IFI44L: variants seen among roughly 807,000 people sequenced by gnomAD.
IFI44L encodes the protein interferon induced protein 44 like.
A neutral mutation model predicts 39.3 loss-of-function variants in IFI44L; 40 were observed. The ratio of observed to expected loss-of-function variants is 1.02; its 90% CI spans 0.79 to 1.33. The LOEUF is 1.33. Ranked by LOEUF, IFI44L falls within the 40% of genes most tolerant of loss-of-function variation. The pLI is 0.00. For synonymous variants in IFI44L, 198 were observed against 182.3 expected, an observed-to-expected ratio of 1.09 and a Z score of -0.69; for missense variants, 623 against 549.0, an observed-to-expected ratio of 1.13 and a Z score of -1.35.
intron 1 of IFI44L, among the ~76,000 whole-genome samples, chr1:78,622,532 AT>A (rs374131840): frequency 3.1e-3 from 455 of 148,712 alleles, no homozygotes; most frequent in Non-Finnish European, 3.3e-3. Context: ...TCCCTGTCCT[AT>A]TTTTTTTTTA....
rs369367481 is a variant in IFI44L at position 78,639,092 on chromosome 1, C to T, written c.1048+1889C>T. On this transcript the variant is annotated intron_variant, in intron 6 of 8. Transcript: ENST00000370751. ...ACAGGGGCTAGAAGCCTCCTTGCAT[C>T]GAAGGTTAATGAAGGCTAAAGTTCC... 1.6e-4 allele frequency among the ~76,000 whole-genome samples: 25 copies of T among 152,140 alleles called. 1 individual carries two copies. The highest frequency in any genetic ancestry group is 5.8e-4 in the African/African-American group (24 of 41,508).
At position 78,643,617 on chromosome 1, in the gene IFI44L, T is replaced by A. The variant is rs1029791919; in HGVS notation, c.*1808T>A. 6.8e-6 allele frequency: 1 copy of A among 147,572 alleles called. No homozygotes were observed. The highest frequency in any genetic ancestry group is 1.5e-5 in the Non-Finnish European group (1 of 67,266). 9.1% of individuals were successfully genotyped at this position (147,572 alleles called of 1,614,324 possible). A position where few individuals can be genotyped will look rare whatever the true frequency, so the allele number is the denominator to read the frequency against. ...AACATACAGAGATGAAAACTGGAAG[T>A]TTTTTTTTGTTTGTTTTGTTTTTTT... On this transcript the variant is annotated 3_prime_UTR_variant, in exon 9 of 9. Coordinates refer to ENST00000370751, the MANE Select transcript of IFI44L (RefSeq NM_006820.4).
In IFI44L at chr1:78,644,438, C is replaced by A. The variant is rs1647025042; in HGVS notation, c.*2629C>A. ...CAAAATGATACCACAACTTCTTATT[C>A]TCTGGCTCTATATTGCTTTGGAAAC... is the stretch of plus-strand genomic sequence containing the variant. On this transcript the variant is annotated 3_prime_UTR_variant, in exon 9 of 9. Transcript: ENST00000370751. 1 of 152,134 alleles carries A rather than the reference C, an allele frequency of 6.6e-6. No homozygotes were observed. The highest frequency in any genetic ancestry group is 2.4e-5 in the African/African-American group (1 of 41,412). 9.4% of individuals were successfully genotyped at this position (152,134 alleles called of 1,614,324 possible). A position where few individuals can be genotyped will look rare whatever the true frequency, so the allele number is the denominator to read the frequency against.
chr1:78,624,699 T>C (rs1359502205), intron 1 of IFI44L, among the ~76,000 whole-genome samples: 5 of 152,204 alleles, frequency 3.3e-5, no homozygotes, highest in Non-Finnish European at 7.3e-5. Flanking sequence ...CCTTCTCTTA[T>C]TGTGTTGCTG....
Position 78,645,249 on chromosome 1 carries a change from T to C in IFI44L, c.*3440T>C, listed in dbSNP as rs1443495346. The C allele has an allele frequency of 6.6e-6, 1 of 152,208 alleles. No individual in the cohort carries two copies. The highest frequency in any genetic ancestry group is 1.9e-4 in the East Asian group (1 of 5,194). 9.4% of individuals were successfully genotyped at this position (152,208 alleles called of 1,614,324 possible). On this transcript the variant is annotated 3_prime_UTR_variant, in exon 9 of 9. Transcript: ENST00000370751. Reference sequence around the variant, plus strand: ...TTCTTTTTCTTTGAAAACCTACTTATAACTGTTGCTAATAAGAATGTGTAT... The same window carrying C: ...TTCTTTTTCTTTGAAAACCTACTTACAACTGTTGCTAATAAGAATGTGTAT...
rs1646990827 is a variant in IFI44L at position 78,641,864 on chromosome 1, G to A, written c.*55G>A. The A allele has an allele frequency of 3.2e-6, 5 of 1,562,622 alleles. No individual in the cohort carries two copies. In the African/African-American group the frequency reaches 4.1e-5, roughly 13 times the overall value. ...CCAGCCTGTACTGGTGTGCCGCAAT[G>A]AGAGTCAATCTCTATTGACAGCCTG... On this transcript the variant is annotated 3_prime_UTR_variant, in exon 9 of 9. Transcript: ENST00000370751.
rs951625945 is a variant in IFI44L at position 78,643,151 on chromosome 1, A to G, written c.*1342A>G. On this transcript the variant is annotated 3_prime_UTR_variant, in exon 9 of 9. Coordinates refer to ENST00000370751, the MANE Select transcript of IFI44L (RefSeq NM_006820.4). ...GGTAGTCATAGATATTAAGAAAGCA[A>G]GAGTTTCTTATGTCCAGTTATGGAA... is the stretch of plus-strand genomic sequence containing the variant. 1 of 152,026 alleles carries G rather than the reference A, an allele frequency of 6.6e-6. No homozygotes were observed. Among genetic ancestry groups the G allele is most frequent in the African/African-American group, 2.4e-5 (1 of 41,442 alleles). The allele number at this position is 152,026 out of a possible 1,614,324, so 9.4% of individuals were successfully genotyped here. A position where few individuals can be genotyped will look rare whatever the true frequency, so the allele number is the denominator to read the frequency against.
At position 78,632,300 on chromosome 1, in the gene IFI44L, T is replaced by C. The variant is rs1652778241; in HGVS notation, c.723+2385T>C. 5.3e-5 allele frequency among the ~76,000 whole-genome samples: 8 copies of C among 152,220 alleles called. No individual in the cohort carries two copies. In the South Asian group the frequency reaches 1.7e-3, roughly 32 times the overall value. On this transcript the variant is annotated intron_variant, in intron 4 of 8. Coordinates refer to ENST00000370751, the MANE Select transcript of IFI44L (RefSeq NM_006820.4). ...ACAAAATTTGAGCTTTTGAGAAAAA[T>C]CAAACTTTGAGAAACCTGTATTCAC...
rs767737135 is a variant in IFI44L, at chr1:78,629,834, C to A, written c.642C>A (p.Phe214Leu). 5 of 1,613,706 alleles carry A rather than the reference C, an allele frequency of 3.1e-6. No individual in the cohort carries two copies. The Admixed American group carries it at 5.0e-5, about 16-fold the overall frequency. The change falls in exon 4 of 9, where the codon TTC becomes TTA. Residue 214 changes from phenylalanine to leucine, a missense_variant. Phe to Leu is a conservative substitution (Grantham distance 22). Transcript: ENST00000370751. The part of the protein sequence containing the change: ...GPVGSGKSSF[F>L]NSVKSIFHGH... Reference sequence around the variant, plus strand: ...TTGGGTCTGGAAAGTCCAGTTTTTTCAATTCAGTCAAGTCTATTTTTCATG... The same window carrying A: ...TTGGGTCTGGAAAGTCCAGTTTTTTAAATTCAGTCAAGTCTATTTTTCATG...
chr1:78,625,567 CCTTTTG>C (rs1652454445), intron 1 of IFI44L: 1 of 151,852 alleles, frequency 6.6e-6, no homozygotes, highest in Admixed American at 6.6e-5. Flanking sequence ...TTTTGTTAAT[CCTTTTG>C]AAAACTGGGT....
intron 6 of IFI44L, among the ~76,000 whole-genome samples, chr1:78,639,430 T>A (rs1286829565): frequency 6.6e-6 from 1 of 152,094 alleles, no homozygotes; most frequent in Non-Finnish European, 1.5e-5. Flanking sequence ...ACTGTCCTTT[T>A]TCTCATGCTT....
chr1:78,635,165 AC>A (rs1379509704), intron 4 of IFI44L, among the ~76,000 whole-genome samples, 171 bp from the exon 5 acceptor site: 1 of 152,024 alleles, frequency 6.6e-6, no homozygotes, highest in Non-Finnish European at 1.5e-5. Flanking sequence ...ACCCACATAA[AC>A]AACAGATCTT....
intron 1 of IFI44L, among the ~76,000 whole-genome samples, chr1:78,621,321 G>A (rs965768900): frequency 6.6e-6 from 1 of 152,136 alleles, no homozygotes; most frequent in Non-Finnish European, 1.5e-5. Context: ...GCCCAGGCTG[G>A]AGAGCAGTGT....
chr1:78,633,231 T>C (rs574528667), intron 4 of IFI44L, among the ~76,000 whole-genome samples: 3 of 152,292 alleles, frequency 2.0e-5, no homozygotes, highest in African/African-American at 4.8e-5. Flanking sequence ...AGCACAGGAC[T>C]TTGCCTGGAC....
At chr1:78,638,756 G>A (rs1653043906) in intron 6 of IFI44L, among the ~76,000 whole-genome samples, 1 of 151,964 alleles carries the variant, frequency 6.6e-6, no homozygotes, top group East Asian at 1.9e-4. Context: ...GCATTTTTAT[G>A]ATGGTTGCTT....
chr1:78,641,314 G>T, intron 7 of IFI44L, 121 bp from the exon 8 acceptor site: 1 of 954,630 alleles, frequency 1.0e-6, no homozygotes, highest in East Asian at 2.6e-5. Flanking sequence ...ATTATTGTAT[G>T]TTCCGAAGAT....
At chr1:78,628,905 C>T in intron 2 of IFI44L, 46 bp from the exon 3 acceptor site, 1 of 1,266,958 alleles carries the variant, frequency 7.9e-7, no homozygotes, top group Non-Finnish European at 1.1e-6. Flanking sequence ...CCACATTTAA[C>T]CAAACAAGTT....
intron 4 of IFI44L, among the ~76,000 whole-genome samples, chr1:78,630,836 G>A (rs750658264): frequency 1.3e-5 from 2 of 152,054 alleles, no homozygotes; most frequent in Non-Finnish European, 1.5e-5. Flanking sequence ...ATATATTAGT[G>A]TAGTCTCAGA....
In IFI44L at chr1:78,642,738, T is replaced by G. The variant is rs924119177; in HGVS notation, c.*929T>G. The stretch of plus-strand genomic sequence containing the variant: ...ATTGAATTAATTAAAATGAGCCAAC[T>G]TTTTTTTAACAATTTACATTTTATT... On this transcript the variant is annotated 3_prime_UTR_variant, in exon 9 of 9. Transcript: ENST00000370751. 2.6e-5 allele frequency: 4 copies of G among 151,984 alleles called. No homozygotes were observed. Among genetic ancestry groups the G allele is most frequent in the Admixed American group, 1.3e-4 (2 of 15,256 alleles). The allele number at this position is 151,984 out of a possible 1,614,324, so 9.4% of individuals were successfully genotyped here. A position where few individuals can be genotyped will look rare whatever the true frequency, so the allele number is the denominator to read the frequency against.
Sources: allele counts gnomAD v4.1 joint callset (sites outside exome capture counted in the v4.1 genomes callset), GRCh38; gene constraint gnomAD v4.1.1; transcripts MANE v1.5; gene names NCBI Gene and HGNC (gene_info 2026-07-23, HGNC 2026-07-21).